Variants in TRDN observed in about 807,000 individuals in gnomAD.
TRDN encodes the protein triadin in skeletal muscle.
Under a neutral mutation model 149.7 loss-of-function variants are expected in TRDN, and 161 were observed. The ratio of observed to expected loss-of-function variants is 1.08; its 90% confidence interval spans 0.95 to 1.23. The LOEUF (loss-of-function observed/expected upper bound fraction) is 1.23. TRDN is among the 50% of genes most tolerant of loss of function. TRDN has a pLI of 0.00. For synonymous variants in TRDN, 294 were observed against 250.5 expected, an observed-to-expected ratio of 1.17 and a Z score of -1.64; for missense variants, 896 against 823.5, an observed-to-expected ratio of 1.09 and a Z score of -1.08.
intron 24 of TRDN, among the ~76,000 whole-genome samples, chr6:123,289,246 T>G (rs1458003150): frequency 6.6e-6 from 1 of 151,424 alleles, no homozygotes; most frequent in Admixed American, 6.6e-5. Context: ...CAGTGGATAC[T>G]GCATGATTAT....
intron 24 of TRDN, among the ~76,000 whole-genome samples, chr6:123,293,978 A>G (rs532518354): frequency 6.6e-6 from 1 of 152,252 alleles, no homozygotes; most frequent in African/African-American, 2.4e-5. Context: ...GGCTTTGTCT[A>G]CCATAAGTCA....
At chr6:123,272,438 T>C (rs747919426) in intron 29 of TRDN, among the ~76,000 whole-genome samples, 2 of 151,834 alleles carry the variant, frequency 1.3e-5, no homozygotes, top group Non-Finnish European at 2.9e-5. Context: ...GTATCTTTTT[T>C]TTACAAGCAG....
rs187351841 is a variant in TRDN at position 123,557,598 on chromosome 6, C to T, written c.233-8986G>A. On this transcript the variant is annotated intron_variant, in intron 2 of 40. Transcript: ENST00000334268. The stretch of plus-strand genomic sequence containing the variant: ...AAAACTCCGGAGCCGGTCACGGACT[C>T]GGGAAAACAGTCTTCCCTTGGTGTT... Among the ~76,000 whole-genome samples the T allele has an allele frequency of 5.1e-4, 78 of 152,220 alleles. 2 individuals carry two copies. The East Asian group carries it at 0.014, about 27-fold the overall frequency.
chr6:123,373,404 A>C (rs1781394278), intron 19 of TRDN, among the ~76,000 whole-genome samples: 1 of 152,162 alleles, frequency 6.6e-6, no homozygotes, highest in South Asian at 2.1e-4. Flanking sequence ...TCAGTTCATT[A>C]AACCTCTTTC....
At chr6:123,419,657 A>C (rs1363977782) in intron 12 of TRDN, among the ~76,000 whole-genome samples, 2 of 152,112 alleles carry the variant, frequency 1.3e-5, no homozygotes, top group Admixed American at 1.3e-4. Flanking sequence ...GCAAATACAT[A>C]ATTTTAAAAG....
At chr6:123,352,253 T>C in intron 21 of TRDN, 1 of 985,144 alleles carries the variant, frequency 1.0e-6, no homozygotes, top group African/African-American at 1.7e-5. Flanking sequence ...TTACCCTGGA[T>C]CATTGTCTTA....
intron 19 of TRDN, among the ~76,000 whole-genome samples, chr6:123,372,600 C>G (rs1466733993): frequency 1.3e-5 from 2 of 152,046 alleles, no homozygotes. Flanking sequence ...AATAAAGTGA[C>G]CTGGGACAGT....
intron 1 of TRDN, among the ~76,000 whole-genome samples, chr6:123,624,154 G>A (rs953313897): frequency 2.0e-5 from 3 of 152,076 alleles, no homozygotes; most frequent in Non-Finnish European, 4.4e-5. Context: ...TTAGGTGCAT[G>A]CTTATCACTC....
chr6:123,252,395 A>T lies in TRDN; in HGVS notation c.1975+17T>A. 6.7e-7 allele frequency: 1 copy of T among 1,486,226 alleles called. No homozygotes were observed. The highest frequency in any genetic ancestry group is 1.9e-5 in the Admixed American group (1 of 51,764). The allele number at this position is 1,486,226 out of a possible 1,614,324, so 92.1% of individuals were successfully genotyped here. The stretch of plus-strand genomic sequence containing the variant: ...ATGTATCAAAGAGAACTTGTCATTA[A>T]TACAAACCGTACTTACTTGATACTC... On this transcript the variant is annotated intron_variant, in intron 38 of 40. Coordinates refer to ENST00000334268, the MANE Select transcript of TRDN (RefSeq NM_006073.4).
intron 1 of TRDN, among the ~76,000 whole-genome samples, chr6:123,609,986 G>A (rs1340924689): frequency 3.9e-5 from 6 of 152,108 alleles, no homozygotes; most frequent in African/African-American, 1.4e-4. Context: ...TAGAAGTCCT[G>A]AAATAAGCTT....
chr6:123,420,430 A>G (rs1773850780), intron 12 of TRDN, among the ~76,000 whole-genome samples: 1 of 152,142 alleles, frequency 6.6e-6, no homozygotes, highest in Admixed American at 6.5e-5. Context: ...TTCTCTCAAA[A>G]CAATTAACAC....
intron 12 of TRDN, among the ~76,000 whole-genome samples, chr6:123,412,232 T>C (rs1035672762): frequency 1.3e-5 from 2 of 152,204 alleles, no homozygotes; most frequent in African/African-American, 4.8e-5. Context: ...CCCAAGTCTA[T>C]ATTATTGGAA....
intron 1 of TRDN, among the ~76,000 whole-genome samples, chr6:123,582,446 G>T (rs1301453921): frequency 6.6e-6 from 1 of 150,440 alleles, no homozygotes; most frequent in East Asian, 2.0e-4. Flanking sequence ...TCAGTGAAGG[G>T]AGATAGGGGT....
In TRDN at chr6:123,342,175, C is replaced by A. The variant is rs564481194; in HGVS notation, c.1370-4506G>T. 2.0e-5 allele frequency among the ~76,000 whole-genome samples: 3 copies of A among 151,942 alleles called. No homozygotes were observed. In the East Asian group the frequency reaches 5.8e-4, roughly 29 times the overall value. On this transcript the variant is annotated intron_variant, in intron 21 of 40. Transcript: ENST00000334268. ...TAGTAGGGTGCACTTTAGTTCATCT[C>A]TGTCTAGCTCTTTCAGAAAGATCAG...
At chr6:123,376,650 T>C (rs1163674366) in intron 18 of TRDN, among the ~76,000 whole-genome samples, 1 of 152,130 alleles carries the variant, frequency 6.6e-6, no homozygotes, top group Non-Finnish European at 1.5e-5. Flanking sequence ...GGGAAGTAAT[T>C]GGACAGACAC....
At chr6:123,390,785 T>C (rs1341933952) in intron 13 of TRDN, among the ~76,000 whole-genome samples, 1 of 152,146 alleles carries the variant, frequency 6.6e-6, no homozygotes, top group Non-Finnish European at 1.5e-5. Context: ...TGAGTAGACA[T>C]GGTTCTCAAT....
chr6:123,221,308 C>T (rs1374839853), intron 40 of TRDN, among the ~76,000 whole-genome samples, 179 bp downstream of exon 40: 2 of 151,752 alleles, frequency 1.3e-5, no homozygotes, highest in African/African-American at 2.4e-5. Flanking sequence ...TCTTGCCTAA[C>T]ACAAAAGTGA....
intron 33 of TRDN, among the ~76,000 whole-genome samples, chr6:123,261,944 G>T (rs774944881): frequency 1.3e-5 from 2 of 151,826 alleles, no homozygotes; most frequent in East Asian, 3.9e-4. Context: ...CATTATTAAC[G>T]AATCTGTCAT....
At chr6:123,386,042 G>A (rs921653670) in intron 14 of TRDN, among the ~76,000 whole-genome samples, 8 of 152,164 alleles carry the variant, frequency 5.3e-5, no homozygotes, top group East Asian at 3.9e-4. Context: ...TTACTGGTGC[G>A]TGCATAGAAT....
Sources: allele counts gnomAD v4.1 joint callset (sites outside exome capture counted in the v4.1 genomes callset), GRCh38; gene constraint gnomAD v4.1.1; transcripts MANE v1.5; gene names NCBI Gene and HGNC (gene_info 2026-07-23, HGNC 2026-07-21).